The following XYLB variants were observed in gnomAD, a reference collection of about 807,000 sequenced individuals.
XYLB encodes the protein xylulokinase.
XYLB carries 62 observed loss-of-function variants against 78.7 expected under a neutral mutation model. The ratio of observed to expected loss-of-function variants is 0.79; its 90% CI spans 0.64 to 0.97. XYLB has a LOEUF of 0.97. Among genes scored for constraint, XYLB ranks in the 50% least tolerant of loss-of-function variants. The pLI is 0.00. For missense variants in XYLB, 687 were observed against 676.8 expected, an observed-to-expected ratio of 1.02 and a Z score of -0.17; for synonymous variants, 245 against 247.4, an observed-to-expected ratio of 0.99 and a Z score of 0.09.
the XYLB span, among the ~76,000 whole-genome samples, chr3:38,434,397 C>G: frequency 6.6e-6 from 1 of 151,870 alleles, no homozygotes; most frequent in Non-Finnish European, 1.5e-5. Flanking sequence ...CCTTACAGGT[C>G]AGAAGATAAT....
At position 38,362,968 on chromosome 3, in the gene XYLB, C is replaced by A. The variant is rs773843052; in HGVS notation, c.242C>A (p.Ala81Asp). ...GATATCATCTTGGAGAAGATGAAGG[C>A]TTCGGGCTTCGACTTCTCTCAAGTC... ...ALDIILEKMK[A>D]SGFDFSQVLA... The change falls in exon 4 of 19, where the codon GCT becomes GAT. Residue 81 changes from alanine (A) to aspartate (D), a missense_variant. Transcript: ENST00000207870. 6.3e-6 allele frequency: 10 copies of A among 1,585,194 alleles called. No homozygotes were observed. The highest frequency in any genetic ancestry group is 8.6e-6 in the Non-Finnish European group (10 of 1,165,072).
chr3:38,378,500 G>A (rs1393119978), intron 14 of XYLB, among the ~76,000 whole-genome samples: 1 of 152,188 alleles, frequency 6.6e-6, no homozygotes, highest in East Asian at 1.9e-4. Flanking sequence ...CTGGTGGGCG[G>A]GTTGGAGACT....
the XYLB span, chr3:38,451,303 G>C: frequency 6.6e-6 from 1 of 152,160 alleles, no homozygotes; most frequent in Non-Finnish European, 1.5e-5. Flanking sequence ...GTCCTTTCCT[G>C]AGGAAGGAAC....
chr3:38,366,618 C>G (rs1346292211), intron 6 of XYLB, among the ~76,000 whole-genome samples, 190 bp from the exon 7 acceptor site: 1 of 152,168 alleles, frequency 6.6e-6, no homozygotes, highest in Non-Finnish European at 1.5e-5. Context: ...CTCCAGAGTT[C>G]CTCTCGCTTC....
intron 15 of XYLB, among the ~76,000 whole-genome samples, chr3:38,391,672 A>C (rs950127159): frequency 6.6e-6 from 1 of 152,158 alleles, no homozygotes; most frequent in East Asian, 1.9e-4. Flanking sequence ...CAGTGTTGGG[A>C]GATGGGCCTG....
downstream of XYLB, among the ~76,000 whole-genome samples, chr3:38,422,644 G>T (rs115279775): frequency 2.6e-5 from 4 of 152,056 alleles, no homozygotes. Flanking sequence ...AACAATCTGG[G>T]ACTATTCAGC....
At chr3:38,403,881 G>C (rs1210407898) in intron 18 of XYLB, among the ~76,000 whole-genome samples, 2 of 152,016 alleles carry the variant, frequency 1.3e-5, no homozygotes, top group Non-Finnish European at 2.9e-5. Context: ...TTTACCATTG[G>C]ATCCAAATGT....
At chr3:38,379,622 G>C (rs1056738895) in intron 15 of XYLB, among the ~76,000 whole-genome samples, 1 of 152,208 alleles carries the variant, frequency 6.6e-6, no homozygotes, top group Admixed American at 6.5e-5. Flanking sequence ...TGGTCTTTCT[G>C]AAACCCTAAG....
the XYLB span, chr3:38,451,090 C>G: frequency 1.3e-5 from 2 of 152,126 alleles, no homozygotes. Context: ...AGTCTCAAAT[C>G]CATCTCCTTG....
the XYLB span, among the ~76,000 whole-genome samples, chr3:38,444,117 C>T: frequency 2.0e-5 from 3 of 152,212 alleles, no homozygotes; most frequent in Admixed American, 1.3e-4. Context: ...GATCTCATAG[C>T]ATGACATCTC....
chr3:38,358,387 C>G (rs1705794141), intron 2 of XYLB, among the ~76,000 whole-genome samples: 1 of 139,308 alleles, frequency 7.2e-6, no homozygotes, highest in African/African-American at 2.6e-5. Flanking sequence ...CTGTTGCACC[C>G]AGGCTGGAGT....
intron 8 of XYLB, among the ~76,000 whole-genome samples, chr3:38,369,004 G>A (rs2125588725): frequency 6.6e-6 from 1 of 152,294 alleles, no homozygotes; most frequent in Middle Eastern, 3.4e-3. Flanking sequence ...CTGGGAGGAG[G>A]TTGCTGCAGG....
At chr3:38,416,501 G>C (rs1708799458), downstream of XYLB, among the ~76,000 whole-genome samples, 1 of 152,090 alleles carries the variant, frequency 6.6e-6, no homozygotes, top group Non-Finnish European at 1.5e-5. Flanking sequence ...AGTTAAATCA[G>C]TACATGTGAA....
At chr3:38,389,223 T>C (rs1344074560) in intron 15 of XYLB, among the ~76,000 whole-genome samples, 2 of 145,916 alleles carry the variant, frequency 1.4e-5, no homozygotes, top group African/African-American at 5.1e-5. Context: ...TAACCCTGAG[T>C]GGACACAGCA....
the XYLB span, among the ~76,000 whole-genome samples, chr3:38,450,804 T>C: frequency 7.2e-5 from 11 of 152,328 alleles, no homozygotes; most frequent in East Asian, 2.1e-3. Context: ...AGAGGACCAG[T>C]TAAGCTCCCT....
At position 38,360,409 on chromosome 3, in the gene XYLB, G is replaced by T; in HGVS notation, c.210+1G>T. The T allele has an allele frequency of 6.3e-7, 1 of 1,593,016 alleles. No individual in the cohort carries two copies. Among genetic ancestry groups the T allele is most frequent in the Non-Finnish European group, 8.6e-7 (1 of 1,169,278 alleles). ...TTCTCCAGTACTAATGTGGGTCCAG[G>T]TAAGCGCAGGGATTCCTATTCTCCT... is the stretch of plus-strand genomic sequence containing the variant. On this transcript the variant is annotated splice_donor_variant, in intron 3 of 18. Transcript: ENST00000207870. LOFTEE classifies it high-confidence loss of function.
At position 38,365,259 on chromosome 3, in the gene XYLB, G is replaced by A; in HGVS notation, c.352G>A (p.Asp118Asn). The A allele has an allele frequency of 1.9e-6, 3 of 1,614,194 alleles. No homozygotes were observed. Among genetic ancestry groups the A allele is most frequent in the Non-Finnish European group, 2.5e-6 (3 of 1,180,024 alleles). The change falls in exon 5 of 19, where the codon GAC becomes AAC. Residue 118 changes from aspartate (D) to asparagine (N), a missense_variant. By Grantham distance (23) the Asp-to-Asn change is conservative (BLOSUM62 1). Coordinates refer to ENST00000207870, the MANE Select transcript of XYLB (RefSeq NM_005108.4). Reference sequence around the variant, plus strand: ...GCAGGCACTGACAAGCTTATCACCAGACCTCCGGCTACACCAGCAGCTGCA... The same window carrying A: ...GCAGGCACTGACAAGCTTATCACCAAACCTCCGGCTACACCAGCAGCTGCA... ...AQQALTSLSP[D>N]LRLHQQLQDC...
At chr3:38,355,980 G>T (rs1705625873) in intron 2 of XYLB, 2 of 569,314 alleles carry the variant, frequency 3.5e-6, no homozygotes, top group South Asian at 4.5e-5. Flanking sequence ...GCCAGGTGTG[G>T]TCGCTCACGC....
intron 18 of XYLB, among the ~76,000 whole-genome samples, chr3:38,404,466 C>T (rs1708233266): frequency 6.6e-6 from 1 of 152,240 alleles, no homozygotes. Flanking sequence ...CCTTCTCAGA[C>T]AGAGCTGCTC....
Sources: allele counts gnomAD v4.1 joint callset (sites outside exome capture counted in the v4.1 genomes callset), GRCh38; gene constraint gnomAD v4.1.1; transcripts MANE v1.5; gene names NCBI Gene and HGNC (gene_info 2026-07-23, HGNC 2026-07-21).